The following AP2A2 variants were observed in gnomAD, a reference collection of about 807,000 sequenced individuals.
AP2A2 encodes the protein adaptor related protein complex 2 subunit alpha 2, also known as AP-2 complex subunit alpha-2.
A neutral mutation model predicts 104.2 loss-of-function variants in AP2A2; 32 were observed. The observed-to-expected ratio is 0.31, with a 90% confidence interval of 0.23 to 0.41. The LOEUF is 0.41. AP2A2 is among the 10% of genes least tolerant of loss of function. The probability of loss-of-function intolerance (pLI) is 1.00; values close to 1 mark genes in which losing one functional copy is unlikely to be tolerated. For missense variants in AP2A2, 912 were observed against 1,261.0 expected (o/e 0.72, Z 4.19); for synonymous variants, 539 against 533.3 (o/e 1.01, Z -0.15).
chr11:957,220 C>T (rs7934963), intron 1 of AP2A2, among the ~76,000 whole-genome samples: 72,917 of 152,108 alleles, frequency 0.48, 18,409 homozygotes, highest in Middle Eastern at 0.65. Flanking sequence ...GGCATGGTAC[C>T]GGGCCATGGC....
intron 1 of AP2A2, chr11:940,937 G>C (rs1456028771): frequency 2.2e-6 from 1 of 456,088 alleles, no homozygotes; most frequent in Admixed American, 2.3e-5. Flanking sequence ...ATCATTCTGG[G>C]ATGGGGCATC....
At position 1,010,768 on chromosome 11, in the gene AP2A2, C is replaced by T; in HGVS notation, c.*143C>T. 1 of 738,474 alleles carries T rather than the reference C, an allele frequency of 1.4e-6. No individual in the cohort carries two copies. The highest frequency in any genetic ancestry group is 2.4e-6 in the Non-Finnish European group (1 of 417,334). The allele number at this position is 738,474 out of a possible 1,614,324, so 45.7% of individuals were successfully genotyped here. ...CCGCCCCGCCGCCCCACACCTCTCC[C>T]CTTTGGGCTGGACGGGAACACACGT... is the stretch of plus-strand genomic sequence containing the variant. On this transcript the variant is annotated 3_prime_UTR_variant, in exon 22 of 22. Transcript: ENST00000448903.
chr11:928,865 T>C (rs1853202324), intron 1 of AP2A2, among the ~76,000 whole-genome samples: 1 of 152,152 alleles, frequency 6.6e-6, no homozygotes, highest in South Asian at 2.1e-4. Flanking sequence ...TCCTGGGCAG[T>C]GTCTTCAGCT....
At chr11:962,858 T>C (rs1182727117) in intron 2 of AP2A2, among the ~76,000 whole-genome samples, 1 of 152,146 alleles carries the variant, frequency 6.6e-6, no homozygotes, top group Non-Finnish European at 1.5e-5. Context: ...TGTTGGCTTT[T>C]GTTGAGCACG....
intron 1 of AP2A2, among the ~76,000 whole-genome samples, chr11:927,890 CTTTG>C (rs146973981): frequency 2.8e-5 from 4 of 144,570 alleles, no homozygotes; most frequent in East Asian, 2.2e-4. Context: ...CATTTTTTCT[CTTTG>C]TTTGTTACAT....
At chr11:934,984 G>A (rs1322041796) in intron 1 of AP2A2, among the ~76,000 whole-genome samples, 1 of 151,764 alleles carries the variant, frequency 6.6e-6, no homozygotes, top group Non-Finnish European at 1.5e-5. Flanking sequence ...TCAGCCTCCG[G>A]AGTAGCTGGG....
intron 1 of AP2A2, among the ~76,000 whole-genome samples, chr11:928,841 G>A (rs994530664): frequency 1.3e-5 from 2 of 152,032 alleles, no homozygotes; most frequent in Non-Finnish European, 2.9e-5. Flanking sequence ...CAGCTGCAGC[G>A]CCCACCATTC....
intron 6 of AP2A2, among the ~76,000 whole-genome samples, chr11:983,654 A>G (rs952829139): frequency 2.0e-5 from 3 of 152,246 alleles, no homozygotes; most frequent in South Asian, 2.1e-4. Context: ...AAGTGCTGGG[A>G]TTACAGGCGG....
At position 994,157 on chromosome 11, in the gene AP2A2, C is replaced by T. The variant is rs369889043; in HGVS notation, c.1868C>T (p.Thr623Met). 1.9e-5 allele frequency: 31 copies of T among 1,612,968 alleles called. 1 individual carries two copies. The highest frequency in any genetic ancestry group is 1.6e-4 in the Middle Eastern group (1 of 6,082). The change falls in exon 14 of 22, where the codon ACG becomes ATG. Residue 623 changes from threonine (T) to methionine (M), a missense_variant. By Grantham distance (81) the Thr-to-Met change is moderately conservative. Transcript: ENST00000448903. ...AKLKKKKGPS[T>M]VTDLEDTKRD... Reference sequence around the variant, plus strand: ...CTCAAGAAGAAGAAGGGCCCCAGCACGGTGACAGACCTGGAGGACACCAAG... The same window carrying T: ...CTCAAGAAGAAGAAGGGCCCCAGCATGGTGACAGACCTGGAGGACACCAAG...
chr11:1,009,478 A>G, intron 20 of AP2A2, 81 bp downstream of exon 20: 1 of 1,437,606 alleles, frequency 7.0e-7, no homozygotes, highest in Non-Finnish European at 9.6e-7. Flanking sequence ...GCCCCGGGGA[A>G]CACGCAGCCC....
rs1472154314 is a variant in AP2A2 at position 1,003,685 on chromosome 11, G to T, written c.2124-37G>T. 4 of 1,395,250 alleles carry T rather than the reference G, an allele frequency of 2.9e-6. No homozygotes were observed. The African/African-American group carries it at 4.4e-5, about 15-fold the overall frequency. The allele number at this position is 1,395,250 out of a possible 1,614,324, so 86.4% of individuals were successfully genotyped here. A position where few individuals can be genotyped will look rare whatever the true frequency, so the allele number is the denominator to read the frequency against. ...CAAACCCTTGTGTTTTCTGCAGGTG[G>T]CTTTGAGTGACACATATACTGTCCC... On this transcript the variant is annotated intron_variant, in intron 15 of 21. Transcript: ENST00000448903.
intron 1 of AP2A2, among the ~76,000 whole-genome samples, chr11:927,423 T>G (rs997455393): frequency 1.3e-5 from 2 of 151,792 alleles, no homozygotes; most frequent in Non-Finnish European, 2.9e-5. Flanking sequence ...TCTCATCTCC[T>G]TAGACGGGAT....
intron 1 of AP2A2, among the ~76,000 whole-genome samples, chr11:949,769 T>A (rs1387043646): frequency 1.5e-5 from 2 of 132,284 alleles, no homozygotes; most frequent in Non-Finnish European, 3.2e-5. Flanking sequence ...AGAGAGACTC[T>A]GTCTCAAAAA....
chr11:964,886 C>T lies in AP2A2; in HGVS notation c.137-5283C>T, dbSNP rs879893026. On this transcript the variant is annotated intron_variant, in intron 2 of 21. Coordinates refer to ENST00000448903, the MANE Select transcript of AP2A2 (RefSeq NM_012305.4). ...GTGGAGATGGAAAGCATGGAACGGG[C>T]GGGAAATTAAAGGAAATAATCCCAG... Among the ~76,000 whole-genome samples, 28 of 116,894 alleles carry T rather than the reference C, an allele frequency of 2.4e-4. 2 individuals are homozygous for T. Among genetic ancestry groups the T allele is most frequent in the Non-Finnish European group, 3.2e-4 (16 of 49,984 alleles). The allele number at this position is 116,894 out of a possible 152,430, so 76.7% of individuals were successfully genotyped here. A position where few individuals can be genotyped will look rare whatever the true frequency, so the allele number is the denominator to read the frequency against.
At chr11:1,005,807 C>T (rs371166294) in intron 16 of AP2A2, among the ~76,000 whole-genome samples, 3 of 152,176 alleles carry the variant, frequency 2.0e-5, no homozygotes, top group Non-Finnish European at 2.9e-5. Context: ...AGCTCTGGGC[C>T]GTGATAGCTT....
chr11:1,003,721 G>C lies in AP2A2; in HGVS notation c.2124-1G>C. On this transcript the variant is annotated splice_acceptor_variant, in intron 15 of 21. Transcript: ENST00000448903. LOFTEE classifies it high-confidence loss of function. ...CACATATACTGTCCCTTTTCCCCTA[G>C]GTTTGTTTGTAAAAACAATGGTGTG... 1 of 1,599,170 alleles carries C rather than the reference G, an allele frequency of 6.3e-7. No homozygotes were observed. The highest frequency in any genetic ancestry group is 8.5e-7 in the Non-Finnish European group (1 of 1,172,998).
intron 17 of AP2A2, chr11:1,007,408 G>C (rs1856247077): frequency 6.4e-6 from 1 of 156,016 alleles, no homozygotes; most frequent in South Asian, 1.9e-4. Context: ...CCTTCTTTAG[G>C]GGTCTCTCCC....
intron 6 of AP2A2, among the ~76,000 whole-genome samples, chr11:983,020 T>C (rs1389154635): frequency 3.3e-5 from 1 of 30,506 alleles, no homozygotes; most frequent in Non-Finnish European, 9.7e-5. Flanking sequence ...TCTTTTTCTT[T>C]TTTTTTTTTT....
intron 5 of AP2A2, among the ~76,000 whole-genome samples, chr11:980,024 C>T (rs1018697845): frequency 1.1e-4 from 16 of 152,206 alleles, no homozygotes; most frequent in Admixed American, 2.0e-4. Context: ...TGTCCTGGAG[C>T]GGTGACAGGC....
Sources: gnomAD v4.1 joint callset for allele counts (sites outside exome capture counted in the v4.1 genomes callset) on GRCh38, gnomAD v4.1.1 for gene constraint, MANE v1.5 for transcripts, NCBI Gene and HGNC (gene_info 2026-07-23, HGNC 2026-07-21) for gene names.